Variants in AGPAT4 observed in about 807,000 individuals in gnomAD.
AGPAT4 encodes 1-acyl-sn-glycerol-3-phosphate acyltransferase delta.
A neutral mutation model predicts 48.0 loss-of-function variants in AGPAT4; 15 were observed. The ratio of observed to expected loss-of-function variants is 0.31; its 90% CI spans 0.21 to 0.48. The LOEUF is 0.48. Among genes scored for constraint, AGPAT4 ranks in the 20% least tolerant of loss-of-function variants. The pLI is 0.99. For missense variants in AGPAT4, 314 were observed against 482.5 expected, an observed-to-expected ratio of 0.65 and a Z score of 3.27; for synonymous variants, 178 against 198.7, an observed-to-expected ratio of 0.90 and a Z score of 0.88.
At position 161,136,221 on chromosome 6, in the gene AGPAT4, C is replaced by A; in HGVS notation, c.*319G>T. On this transcript the variant is annotated 3_prime_UTR_variant, in exon 9 of 9. Coordinates refer to ENST00000320285, the MANE Select transcript of AGPAT4 (RefSeq NM_020133.3). ...AAGGGGAACTTGTCCCCTTCGGTCC[C>A]CAGCCCTGCCCTCCCCTGCAGCCTA... 3.3e-6 allele frequency: 1 copy of A among 305,184 alleles called. No individual in the cohort carries two copies. The highest frequency in any genetic ancestry group is 6.1e-6 in the Non-Finnish European group (1 of 162,858). The allele number at this position is 305,184 out of a possible 1,614,324, so 18.9% of individuals were successfully genotyped here. A position where few individuals can be genotyped will look rare whatever the true frequency, so the allele number is the denominator to read the frequency against.
chr6:161,272,066 C>T lies in AGPAT4; in HGVS notation c.-90+1872G>A, dbSNP rs960097177. ...CCCTTTAAATAGTTCTCGTCTTTAACTCCATGTGGCTCTGGTTTGTTTTGT... is the reference window on the plus strand; with the variant it reads ...CCCTTTAAATAGTTCTCGTCTTTAATTCCATGTGGCTCTGGTTTGTTTTGT... On this transcript the variant is annotated intron_variant, in intron 1 of 8. Transcript: ENST00000320285. The surrounding 1 kb of genome is among the most constrained non-coding windows in gnomAD (Gnocchi z 4.2). 1.3e-5 allele frequency among the ~76,000 whole-genome samples: 2 copies of T among 152,200 alleles called. No homozygotes were observed. Among genetic ancestry groups the T allele is most frequent in the African/African-American group, 2.4e-5 (1 of 41,434 alleles).
rs1416797673 is a variant in AGPAT4, at chr6:161,153,947, CCA to C, written c.510+200_510+201del. Reference sequence around the variant, plus strand: ...CACGGCCCCATGGTCATACACGGCCCCACAGTCATACGTGGCCCCACGGTCAC... The same window carrying C: ...CACGGCCCCATGGTCATACACGGCCCCAGTCATACGTGGCCCCACGGTCAC... On this transcript the variant is annotated intron_variant, in intron 4 of 8. Transcript: ENST00000320285. The C allele has an allele frequency of 8.6e-6, 6 of 696,170 alleles. No individual in the cohort carries two copies. In the East Asian group the frequency reaches 1.4e-4, roughly 16 times the overall value. 43.1% of individuals were successfully genotyped at this position (696,170 alleles called of 1,614,324 possible).
rs1403641016 is a variant in AGPAT4 at position 161,243,042 on chromosome 6, G to A, written c.-89-10740C>T. On this transcript the variant is annotated intron_variant, in intron 1 of 8. Transcript: ENST00000320285. The surrounding 1 kb of genome is among the most constrained non-coding windows in gnomAD (Gnocchi z 4.8). ...TGCGCCACTGCACTCCAGCTTGGGC[G>A]ACAGAGCCAGACTCTGTCTCAAAAA... 2.0e-5 allele frequency among the ~76,000 whole-genome samples: 3 copies of A among 151,980 alleles called. No individual in the cohort carries two copies. Among genetic ancestry groups the A allele is most frequent in the African/African-American group, 4.8e-5 (2 of 41,388 alleles).
In AGPAT4 at chr6:161,266,784, G is replaced by A. The variant is rs1783276891; in HGVS notation, c.-90+7154C>T. 6.6e-6 allele frequency among the ~76,000 whole-genome samples: 1 copy of A among 152,244 alleles called. No individual in the cohort carries two copies. The highest frequency in any genetic ancestry group is 6.5e-5 in the Admixed American group (1 of 15,286). On this transcript the variant is annotated intron_variant, in intron 1 of 8. Transcript: ENST00000320285. The surrounding 1 kb of genome is among the most constrained non-coding windows in gnomAD (Gnocchi z 6.2). ...GGCTGCAGTATCCTGGGAAGAAGAT[G>A]TGCTTGCATAGACAGATAGTTCTTT...
intron 2 of AGPAT4, among the ~76,000 whole-genome samples, chr6:161,228,966 T>A (rs1441723439): frequency 2.0e-5 from 3 of 152,018 alleles, no homozygotes; most frequent in African/African-American, 7.2e-5. Context: ...GCCACTAGAA[T>A]AAAATTCTCT....
rs1398497588 is a variant in AGPAT4, at chr6:161,140,411, G to A, written c.844-791C>T. Among the ~76,000 whole-genome samples, 3 of 152,206 alleles carry A rather than the reference G, an allele frequency of 2.0e-5. No individual in the cohort carries two copies. The highest frequency in any genetic ancestry group is 6.5e-5 in the Admixed American group (1 of 15,280). On this transcript the variant is annotated intron_variant, in intron 7 of 8. Coordinates refer to ENST00000320285, the MANE Select transcript of AGPAT4 (RefSeq NM_020133.3). This position sits in a 1 kb window ranked among gnomAD's most constrained non-coding sequence, Gnocchi z 6.5. ...CCACCCACAGGGTGTGTGTGTCACC[G>A]AGCAGCTTGCAGGGCAGTTACTCCA...
Position 161,231,066 on chromosome 6 carries a change from G to A in AGPAT4, c.178+970C>T, listed in dbSNP as rs942687316. 2.9e-5 allele frequency among the ~76,000 whole-genome samples: 4 copies of A among 137,300 alleles called. No individual in the cohort carries two copies. Among genetic ancestry groups the A allele is most frequent in the Non-Finnish European group, 6.3e-5 (4 of 63,258 alleles). 90.1% of individuals were successfully genotyped at this position (137,300 alleles called of 152,430 possible). ...AAATTCAAATTTGATCATTTTAAAG[G>A]GTATCAAAAATATATCAATAATTTT... is the stretch of plus-strand genomic sequence containing the variant. On this transcript the variant is annotated intron_variant, in intron 2 of 8. Coordinates refer to ENST00000320285, the MANE Select transcript of AGPAT4 (RefSeq NM_020133.3). The surrounding 1 kb of genome is among the most constrained non-coding windows in gnomAD (Gnocchi z 5.3).
intron 2 of AGPAT4, among the ~76,000 whole-genome samples, chr6:161,230,012 T>C (rs1380271830): frequency 6.6e-6 from 1 of 152,208 alleles, no homozygotes; most frequent in Non-Finnish European, 1.5e-5. Flanking sequence ...GATGGTTAAT[T>C]CTTGAGTTTC....
chr6:161,252,978 G>C (rs1213832604), intron 1 of AGPAT4, among the ~76,000 whole-genome samples: 1 of 151,968 alleles, frequency 6.6e-6, no homozygotes, highest in Non-Finnish European at 1.5e-5. Flanking sequence ...CACTTTGAGA[G>C]GCCAAGGCAG....
At chr6:161,176,145 A>G (rs1340521227) in intron 2 of AGPAT4, among the ~76,000 whole-genome samples, 1 of 152,206 alleles carries the variant, frequency 6.6e-6, no homozygotes, top group African/African-American at 2.4e-5. Flanking sequence ...ACAGATGTCT[A>G]TTAGGTCCAC....
intron 2 of AGPAT4, among the ~76,000 whole-genome samples, chr6:161,209,391 T>C (rs1562339210): frequency 6.6e-6 from 1 of 152,242 alleles, no homozygotes; most frequent in Non-Finnish European, 1.5e-5. Context: ...CTTGCCAAGC[T>C]GCTAGAAAAT....
rs1392114348 is a variant in AGPAT4 at position 161,232,160 on chromosome 6, G to A, written c.54C>T (p.Cys18=). 6.2e-7 allele frequency: 1 copy of A among 1,614,050 alleles called. No individual in the cohort carries two copies. Among genetic ancestry groups the A allele is most frequent in the Non-Finnish European group, 8.5e-7 (1 of 1,180,046 alleles). The stretch of plus-strand genomic sequence containing the variant: ...TTAGCCCTGAGGCAATAAAGACGTA[G>A]CAGAAGACCAGGTGGCACAGGAACT... ...KSQFLCHLVF[C]YVFIASGLII... Residue 18 remains cysteine, a synonymous_variant, in exon 2 of 9, where the codon TGC becomes TGT. Transcript: ENST00000320285. The surrounding 1 kb of genome is among the most constrained non-coding windows in gnomAD (Gnocchi z 6.8).
chr6:161,186,735 C>T (rs952618552), intron 2 of AGPAT4, among the ~76,000 whole-genome samples: 1 of 152,180 alleles, frequency 6.6e-6, no homozygotes, highest in African/African-American at 2.4e-5. Flanking sequence ...TTCTCCCCAC[C>T]GCACTTCCTG....
At position 161,198,438 on chromosome 6, in the gene AGPAT4, A is replaced by G. The variant is rs920558644; in HGVS notation, c.179-32021T>C. Among the ~76,000 whole-genome samples the G allele has an allele frequency of 6.6e-6, 1 of 152,270 alleles. No individual in the cohort carries two copies. The highest frequency in any genetic ancestry group is 1.5e-5 in the Non-Finnish European group (1 of 68,048). Reference sequence around the variant, plus strand: ...TGCTGTTAAGCATCCTACAATGCACAGAACAGCCCCATGACAAAGAATGAT... The same window carrying G: ...TGCTGTTAAGCATCCTACAATGCACGGAACAGCCCCATGACAAAGAATGAT... On this transcript the variant is annotated intron_variant, in intron 2 of 8. Transcript: ENST00000320285. This position sits in a 1 kb window ranked among gnomAD's most constrained non-coding sequence, Gnocchi z 4.3.
Position 161,235,955 on chromosome 6 carries a change from A to G in AGPAT4, c.-89-3653T>C, listed in dbSNP as rs762641848. Among the ~76,000 whole-genome samples the G allele has an allele frequency of 1.3e-5, 2 of 152,212 alleles. No homozygotes were observed. Among genetic ancestry groups the G allele is most frequent in the Non-Finnish European group, 2.9e-5 (2 of 68,034 alleles). The stretch of plus-strand genomic sequence containing the variant: ...CAGCTTCTTTCCCATCTTGAATAAA[A>G]CAGCACTTTCTCTTCTAACGTGGCA... On this transcript the variant is annotated intron_variant, in intron 1 of 8. Transcript: ENST00000320285. The surrounding 1 kb of genome is among the most constrained non-coding windows in gnomAD (Gnocchi z 6.2).
rs1374798215 is a variant in AGPAT4 at position 161,131,564 on chromosome 6, G to GC, written c.*4975dup. 2.0e-5 allele frequency: 3 copies of GC among 152,350 alleles called. No individual in the cohort carries two copies. Among genetic ancestry groups the GC allele is most frequent in the African/African-American group, 7.2e-5 (3 of 41,434 alleles). 9.4% of individuals were successfully genotyped at this position (152,350 alleles called of 1,614,324 possible). On this transcript the variant is annotated 3_prime_UTR_variant, in exon 9 of 9. Transcript: ENST00000320285. ...TTCATGTAGTCACTATTCACTGAGGGCCATGAGGGTGAGGCCCTGCTGGGG... is the reference window on the plus strand; with the variant it reads ...TTCATGTAGTCACTATTCACTGAGGGCCCATGAGGGTGAGGCCCTGCTGGGG...
chr6:161,159,379 G>C lies in AGPAT4; in HGVS notation c.349-5069C>G, dbSNP rs575547406. 6.6e-6 allele frequency among the ~76,000 whole-genome samples: 1 copy of C among 152,306 alleles called. No individual in the cohort carries two copies. Among genetic ancestry groups the C allele is most frequent in the East Asian group, 1.9e-4 (1 of 5,172 alleles). On this transcript the variant is annotated intron_variant, in intron 3 of 8. Coordinates refer to ENST00000320285, the MANE Select transcript of AGPAT4 (RefSeq NM_020133.3). This position sits in a 1 kb window ranked among gnomAD's most constrained non-coding sequence, Gnocchi z 4.1. ...GCTGGTTATGATTACCTGTGGCCTT[G>C]AGGTGCCCAGAGTCTAGTGGGAAGG...
At chr6:161,268,775 A>C (rs1783338076) in intron 1 of AGPAT4, among the ~76,000 whole-genome samples, 1 of 152,210 alleles carries the variant, frequency 6.6e-6, no homozygotes, top group South Asian at 2.1e-4. Flanking sequence ...GAACTTTGTC[A>C]TGTTGTCCAT....
At chr6:161,152,093 T>A (rs775951759) in intron 5 of AGPAT4, among the ~76,000 whole-genome samples, 3 of 152,168 alleles carry the variant, frequency 2.0e-5, no homozygotes, top group Non-Finnish European at 4.4e-5. Flanking sequence ...CCTGCTTTTC[T>A]CTCTCCTCTC....
Sources: allele counts gnomAD v4.1 joint callset (sites outside exome capture counted in the v4.1 genomes callset), GRCh38; gene constraint gnomAD v4.1.1; non-coding constraint Gnocchi (gnomAD v3.1); transcripts MANE v1.5; gene names NCBI Gene and HGNC (gene_info 2026-07-23, HGNC 2026-07-21).